The following SLC4A1 variants were observed in gnomAD, a reference collection of about 807,000 sequenced individuals.
SLC4A1 encodes the protein solute carrier family 4 member 1 (Diego blood group).
SLC4A1 carries 29 observed loss-of-function variants against 93.1 expected under a neutral mutation model. That is an observed-to-expected ratio of 0.31 (90% CI 0.23 to 0.42). The LOEUF is 0.42. Among genes scored for constraint, SLC4A1 ranks in the 20% least tolerant of loss-of-function variants. The pLI is 1.00. For missense variants in SLC4A1, 965 were observed against 1,190.1 expected, an observed-to-expected ratio of 0.81 and a Z score of 2.78; for synonymous variants, 469 against 497.2, an observed-to-expected ratio of 0.94 and a Z score of 0.76.
rs2072081 is a variant in SLC4A1 at position 44,250,125 on chromosome 17, G to T, written c.*333C>A. ...CACCCCACCCGCTCACCCACCTCCTGCCTTTGCTTCTACCCCTGCCTGTGC... is the reference window on the plus strand; with the variant it reads ...CACCCCACCCGCTCACCCACCTCCTTCCTTTGCTTCTACCCCTGCCTGTGC... On this transcript the variant is annotated 3_prime_UTR_variant, in exon 20 of 20. Coordinates refer to ENST00000262418, the MANE Select transcript of SLC4A1 (RefSeq NM_000342.4). The T allele has an allele frequency of 0.32, 115,310 of 355,356 alleles. 21,889 individuals carry two copies. The highest frequency in any genetic ancestry group is 0.69 in the East Asian group (11,148 of 16,198). The allele number at this position is 355,356 out of a possible 1,614,324, so 22.0% of individuals were successfully genotyped here. A position where few individuals can be genotyped will look rare whatever the true frequency, so the allele number is the denominator to read the frequency against.
chr17:44,251,110 C>T, intron 19 of SLC4A1, 49 bp downstream of exon 19: 1 of 1,549,090 alleles, frequency 6.5e-7, no homozygotes, highest in Non-Finnish European at 8.7e-7. Flanking sequence ...TGAGACGCGC[C>T]CCTCGCATGC....
At chr17:44,263,201 C>T (rs903258038) in intron 1 of SLC4A1, among the ~76,000 whole-genome samples, 2 of 152,140 alleles carry the variant, frequency 1.3e-5, no homozygotes, top group African/African-American at 4.8e-5. Context: ...GGGCAGGTCA[C>T]CCTCAGGTCC....
intron 4 of SLC4A1, 131 bp downstream of exon 4, chr17:44,261,444 T>C: frequency 2.0e-6 from 3 of 1,486,090 alleles, no homozygotes; most frequent in Non-Finnish European, 2.8e-6. Flanking sequence ...CCTGGGATCC[T>C]CACTCCTCTA....
In SLC4A1 at chr17:44,257,482, G is replaced by T. The variant is rs2047399435; in HGVS notation, c.1494C>A (p.Ile498=). The change falls in exon 13 of 20, where the codon ATC becomes ATA. Residue 498 remains isoleucine, a synonymous_variant. Coordinates refer to ENST00000262418, the MANE Select transcript of SLC4A1 (RefSeq NM_000342.4). ...VGRVWIGFWL[I]LLVVLVVAFE... ...AGGCCACCACCAACACCACCAGCAG[G>T]ATGAGCCAGAAGCCGATCCACACGC... The T allele has an allele frequency of 1.2e-6, 2 of 1,613,698 alleles. No individual in the cohort carries two copies. Among genetic ancestry groups the T allele is most frequent in the African/African-American group, 2.7e-5 (2 of 74,770 alleles).
At chr17:44,257,068 T>G (rs369130371) in intron 13 of SLC4A1, among the ~76,000 whole-genome samples, 2 of 151,610 alleles carry the variant, frequency 1.3e-5, no homozygotes, top group East Asian at 3.9e-4. Context: ...CTCGGCTCAC[T>G]GCAACCTCCA....
intron 13 of SLC4A1, 72 bp downstream of exon 13, chr17:44,257,278 C>T (rs2047397337): frequency 6.8e-7 from 1 of 1,475,246 alleles, no homozygotes; most frequent in Non-Finnish European, 9.5e-7. Flanking sequence ...AGGCCTGAGC[C>T]CTCGCACCCG....
In SLC4A1 at chr17:44,258,525, A is replaced by G; in HGVS notation, c.975T>C (p.Asp325=). The G allele has an allele frequency of 6.2e-7, 1 of 1,613,954 alleles. No individual in the cohort carries two copies. Among genetic ancestry groups the G allele is most frequent in the East Asian group, 2.2e-5 (1 of 44,874 alleles). The change falls in exon 10 of 20, where the codon GAT becomes GAC. Residue 325 remains aspartate (D), a synonymous_variant. Transcript: ENST00000262418. This position sits in a 1 kb window ranked among gnomAD's most constrained non-coding sequence, Gnocchi z 6.1. The stretch of plus-strand genomic sequence containing the variant: ...TGAGCAGTGCCTGCTCGGAGGGGGC[A>G]TCGGTGGGAGGCAGCACTAGGCTGC... ...LDCSLVLPPT[D]APSEQALLSL...
At chr17:44,263,767 C>T (rs2047472435) in intron 1 of SLC4A1, among the ~76,000 whole-genome samples, 1 of 143,740 alleles carries the variant, frequency 7.0e-6, no homozygotes, top group Non-Finnish European at 1.5e-5. Context: ...CTTCCTTCCT[C>T]TCTCTCTCTC....
chr17:44,258,262 T>G lies in SLC4A1; in HGVS notation c.1088-82A>C. On this transcript the variant is annotated intron_variant, in intron 10 of 19. Coordinates refer to ENST00000262418, the MANE Select transcript of SLC4A1 (RefSeq NM_000342.4). The surrounding 1 kb of genome is among the most constrained non-coding windows in gnomAD (Gnocchi z 6.1). ...AGGGGACTGGAGGGTGTAGGGGAGATTGTCTGATGGGAATGGGGCGGCGAA... is the reference window on the plus strand; with the variant it reads ...AGGGGACTGGAGGGTGTAGGGGAGAGTGTCTGATGGGAATGGGGCGGCGAA... 1 of 1,464,216 alleles carries G rather than the reference T, an allele frequency of 6.8e-7. No individual in the cohort carries two copies. The highest frequency in any genetic ancestry group is 9.5e-7 in the Non-Finnish European group (1 of 1,047,452). 90.7% of individuals were successfully genotyped at this position (1,464,216 alleles called of 1,614,324 possible). A position where few individuals can be genotyped will look rare whatever the true frequency, so the allele number is the denominator to read the frequency against.
chr17:44,256,850 A>G (rs1013699088), intron 13 of SLC4A1, among the ~76,000 whole-genome samples: 1 of 152,232 alleles, frequency 6.6e-6, no homozygotes, highest in Non-Finnish European at 1.5e-5. Context: ...CAGATGTGTG[A>G]CTACACAGAC....
chr17:44,262,705 C>T lies in SLC4A1; in HGVS notation c.37G>A (p.Glu13Lys). Residue 13 changes from glutamate (E) to lysine (K), a missense_variant, in exon 3 of 20, where the codon GAG becomes AAG. Around this residue, in one of 2 missense-constraint regions of SLC4A1, gnomAD observed 195 missense variants for 183.5 expected, o/e 1.06. Transcript: ENST00000262418. ...TATTCCTCCTGCTCCAGATTCTCCT[C>T]CATCATGTCTTCATAATCATCCTGT... ...ELQDDYEDMMEENLEQEEYED... is the reference protein window; with the variant it reads ...ELQDDYEDMMKENLEQEEYED... The T allele has an allele frequency of 6.2e-7, 1 of 1,614,128 alleles. No homozygotes were observed. The highest frequency in any genetic ancestry group is 8.5e-7 in the Non-Finnish European group (1 of 1,179,988).
At chr17:44,256,967 C>G (rs964566658) in intron 13 of SLC4A1, among the ~76,000 whole-genome samples, 37 of 151,902 alleles carry the variant, frequency 2.4e-4, no homozygotes, top group African/African-American at 8.7e-4. Flanking sequence ...TGCACAGACA[C>G]ATGTGCGAGG....
Position 44,258,023 on chromosome 17 carries a change from A to G in SLC4A1, c.1245T>C (p.Ala415=). Residue 415 remains alanine, a synonymous_variant, in exon 11 of 20, where the codon GCT becomes GCC. Transcript: ENST00000262418. The surrounding 1 kb of genome is among the most constrained non-coding windows in gnomAD (Gnocchi z 6.1). ...CGAAGGTGATGGCGGGTGACAGTGC[A>G]GCAAAGTAGATGAAGATGACGGCAG... The part of the protein sequence containing the change: ...VLAAVIFIYF[A]ALSPAITFGG... 1 of 1,614,128 alleles carries G rather than the reference A, an allele frequency of 6.2e-7. No homozygotes were observed. Among genetic ancestry groups the G allele is most frequent in the Non-Finnish European group, 8.5e-7 (1 of 1,180,026 alleles).
At chr17:44,265,026 C>A (rs1481581622) in intron 1 of SLC4A1, among the ~76,000 whole-genome samples, 1 of 120,326 alleles carries the variant, frequency 8.3e-6, no homozygotes, top group Non-Finnish European at 1.7e-5. Context: ...GGGTGCTGAG[C>A]ACTGGGGGCT....
At position 44,254,551 on chromosome 17, in the gene SLC4A1, C is replaced by A; in HGVS notation, c.2002G>T (p.Ala668Ser). Residue 668 changes from alanine to serine, a missense_variant, in exon 16 of 20, where the codon GCC becomes TCC. By Grantham distance (99) the Ala-to-Ser change is moderately conservative. This residue lies in a region of SLC4A1 where 770 missense variants were observed against 1,006.6 expected (regional missense o/e 0.76). Transcript: ENST00000262418. ...EFPIWMMFASALPALLVFILI... is the reference protein window; with the variant it reads ...EFPIWMMFASSLPALLVFILI... ...ATGAAGACCAGCAGAGCAGGCAGGG[C>A]GGAGGCAAACATCATCCAGATGGGA... The A allele has an allele frequency of 1.2e-6, 2 of 1,612,848 alleles. No individual in the cohort carries two copies. The highest frequency in any genetic ancestry group is 1.1e-5 in the South Asian group (1 of 91,074).
Position 44,250,264 on chromosome 17 carries a change from C to G in SLC4A1, c.*194G>C. The G allele has an allele frequency of 1.7e-6, 1 of 590,254 alleles. No individual in the cohort carries two copies. The highest frequency in any genetic ancestry group is 1.9e-5 in the South Asian group (1 of 53,018). The allele number at this position is 590,254 out of a possible 1,614,324, so 36.6% of individuals were successfully genotyped here. ...CTAATGTGGGCCCCATCGGCCATCC[C>G]CAGCCAGAAAAGCCAGGCTACCCTT... is the stretch of plus-strand genomic sequence containing the variant. On this transcript the variant is annotated 3_prime_UTR_variant, in exon 20 of 20. Transcript: ENST00000262418.
intron 1 of SLC4A1, among the ~76,000 whole-genome samples, chr17:44,264,953 G>A (rs908849663): frequency 2.0e-5 from 3 of 149,118 alleles, no homozygotes; most frequent in African/African-American, 7.5e-5. Context: ...TCTGTGCCTG[G>A]CATTGTGTTG....
chr17:44,267,957 C>A, intron 1 of SLC4A1, 97 bp downstream of exon 1: 2 of 588,550 alleles, frequency 3.4e-6, no homozygotes, highest in Middle Eastern at 8.8e-4. Context: ...AGGTCAGGAG[C>A]CTGGCCCACC....
chr17:44,257,338 A>C lies in SLC4A1; in HGVS notation c.1626+12T>G. 6.2e-7 allele frequency: 1 copy of C among 1,613,286 alleles called. No homozygotes were observed. The highest frequency in any genetic ancestry group is 1.1e-5 in the South Asian group (1 of 91,060). On this transcript the variant is annotated intron_variant, in intron 13 of 19. Transcript: ENST00000262418. ...ACCTCCCGTGTGCATTAACATCCCCATAGGCCCCCACCTTGATCAGCTTGG... is the reference window on the plus strand; with the variant it reads ...ACCTCCCGTGTGCATTAACATCCCCCTAGGCCCCCACCTTGATCAGCTTGG...
Sources: allele counts gnomAD v4.1 joint callset (sites outside exome capture counted in the v4.1 genomes callset), GRCh38; gene constraint gnomAD v4.1.1; regional missense constraint gnomAD v4.1.1; non-coding constraint Gnocchi (gnomAD v3.1); transcripts MANE v1.5; gene names NCBI Gene and HGNC (gene_info 2026-07-23, HGNC 2026-07-21).